Variants in TMEM232 observed in about 807,000 individuals in gnomAD.
TMEM232 encodes transmembrane protein 232.
TMEM232 carries 80 observed loss-of-function variants against 78.8 expected under a neutral mutation model. The observed-to-expected ratio is 1.01, with a 90% CI of 0.85 to 1.22. The LOEUF (loss-of-function observed/expected upper bound fraction) is 1.22. Ranked by LOEUF, TMEM232 falls within the 50% of genes most tolerant of loss-of-function variation. The pLI is 0.00. For synonymous variants in TMEM232, 297 were observed against 254.3 expected (o/e 1.17, Z -1.60); for missense variants, 881 against 742.2 (o/e 1.19, Z -2.17).
chr5:110,435,351 G>A (rs149059850), intron 12 of TMEM232, among the ~76,000 whole-genome samples: 1 of 151,252 alleles, frequency 6.6e-6, no homozygotes, highest in Non-Finnish European at 1.5e-5. Context: ...TATTTTTTGT[G>A]GGTATATACT....
chr5:110,522,347 A>T (rs1769656035), intron 12 of TMEM232, among the ~76,000 whole-genome samples: 2 of 152,156 alleles, frequency 1.3e-5, no homozygotes, highest in South Asian at 4.1e-4. Context: ...CATATATATA[A>T]GGTCATATCA....
intron 2 of TMEM232, among the ~76,000 whole-genome samples, chr5:110,656,596 T>C (rs987440957): frequency 7.2e-5 from 11 of 152,040 alleles, no homozygotes; most frequent in Non-Finnish European, 8.8e-5. Context: ...TCCCAGCACT[T>C]TGGGAGGCTG....
intron 5 of TMEM232, among the ~76,000 whole-genome samples, chr5:110,630,140 T>C (rs551634773): frequency 4.5e-4 from 68 of 152,326 alleles, no homozygotes; most frequent in Middle Eastern, 3.4e-3. Context: ...GTTTCTTGCC[T>C]GGATTCAAAG....
chr5:110,673,435 C>G (rs1429378040), intron 1 of TMEM232, among the ~76,000 whole-genome samples: 1 of 151,710 alleles, frequency 6.6e-6, no homozygotes, highest in Admixed American at 6.6e-5. Flanking sequence ...CACATGTACC[C>G]TAAAACTTAA....
At chr5:110,448,416 A>C (rs948022115) in intron 12 of TMEM232, among the ~76,000 whole-genome samples, 5 of 152,068 alleles carry the variant, frequency 3.3e-5, no homozygotes, top group Admixed American at 2.0e-4. Flanking sequence ...TAAGAGCAAC[A>C]ATCTGTTATG....
At chr5:110,692,605 T>C (rs370272771) in intron 1 of TMEM232, among the ~76,000 whole-genome samples, 1 of 152,220 alleles carries the variant, frequency 6.6e-6, no homozygotes, top group African/African-American at 2.4e-5. Flanking sequence ...CCCACCCTAA[T>C]ACTGCGCTTT....
At chr5:110,707,332 T>C (rs1474807461) in intron 1 of TMEM232, among the ~76,000 whole-genome samples, 1 of 152,132 alleles carries the variant, frequency 6.6e-6, no homozygotes, top group Non-Finnish European at 1.5e-5. Flanking sequence ...AGAAAAAGAA[T>C]GTGTGTAATT....
At chr5:110,727,665 C>T (rs1052680235), upstream of TMEM232, among the ~76,000 whole-genome samples, 1 of 152,022 alleles carries the variant, frequency 6.6e-6, no homozygotes, top group African/African-American at 2.4e-5. Context: ...AAATGACCTG[C>T]CTTTAAAAAT....
chr5:110,657,381 C>G (rs990343914), intron 2 of TMEM232, among the ~76,000 whole-genome samples: 3 of 75,496 alleles, frequency 4.0e-5, no homozygotes, highest in South Asian at 4.3e-4. Flanking sequence ...GGATATCTAT[C>G]TGAGTGTGTG....
At chr5:110,578,807 T>C (rs1158227792) in intron 10 of TMEM232, among the ~76,000 whole-genome samples, 2 of 151,860 alleles carry the variant, frequency 1.3e-5, no homozygotes, top group African/African-American at 4.8e-5. Context: ...ATTCTCATTA[T>C]GAAAAATCCA....
intron 5 of TMEM232, among the ~76,000 whole-genome samples, chr5:110,629,573 G>C (rs959799543): frequency 2.6e-5 from 4 of 151,938 alleles, no homozygotes; most frequent in Non-Finnish European, 5.9e-5. Flanking sequence ...CTGCTTGTCA[G>C]TTTCTCTTTC....
At chr5:110,715,281 T>G (rs1302822183) in intron 1 of TMEM232, among the ~76,000 whole-genome samples, 1 of 151,772 alleles carries the variant, frequency 6.6e-6, no homozygotes, top group South Asian at 2.1e-4. Flanking sequence ...TTAAAGAAAT[T>G]ATGAAAAAAA....
At chr5:110,523,739 G>A (rs1000793038) in intron 12 of TMEM232, among the ~76,000 whole-genome samples, 1 of 151,900 alleles carries the variant, frequency 6.6e-6, no homozygotes, top group Non-Finnish European at 1.5e-5. Flanking sequence ...AACTGCTTGA[G>A]CCCAGGAGTT....
chr5:110,658,867 TA>T (rs1361389073), intron 2 of TMEM232, among the ~76,000 whole-genome samples: 4 of 152,194 alleles, frequency 2.6e-5, no homozygotes, highest in African/African-American at 9.6e-5. Context: ...AAAAGAAAAG[TA>T]AATTAGTCTG....
intron 1 of TMEM232, among the ~76,000 whole-genome samples, chr5:110,669,501 CA>C (rs1402884540): frequency 6.6e-6 from 1 of 151,684 alleles, no homozygotes; most frequent in Non-Finnish European, 1.5e-5. Context: ...GCTCACCAAC[CA>C]AAAAAAAGTC....
intron 2 of TMEM232, among the ~76,000 whole-genome samples, chr5:110,659,670 T>C (rs1359310879): frequency 3.9e-5 from 6 of 152,144 alleles, no homozygotes; most frequent in African/African-American, 1.2e-4. Flanking sequence ...TATAAAATTA[T>C]CATGCTCATC....
chr5:110,643,022 A>G (rs115103655), intron 2 of TMEM232, among the ~76,000 whole-genome samples: 259 of 152,184 alleles, frequency 1.7e-3, no homozygotes, highest in African/African-American at 5.8e-3. Flanking sequence ...GGGACGTAAT[A>G]GTGGCTTGGA....
chr5:110,459,862 T>C (rs1761307825), intron 12 of TMEM232, among the ~76,000 whole-genome samples: 1 of 152,202 alleles, frequency 6.6e-6, no homozygotes, highest in Admixed American at 6.5e-5. Flanking sequence ...TTCTGTGCTA[T>C]TCTTGCTGAC....
At chr5:110,510,238 C>T (rs1397698001) in intron 12 of TMEM232, among the ~76,000 whole-genome samples, 1 of 152,188 alleles carries the variant, frequency 6.6e-6, no homozygotes, top group East Asian at 1.9e-4. Context: ...ACTGAAAGAA[C>T]TCAAAAGCAG....
Sources: gnomAD v4.1 joint callset for allele counts (sites outside exome capture counted in the v4.1 genomes callset) on GRCh38, gnomAD v4.1.1 for gene constraint, MANE v1.5 for transcripts, NCBI Gene and HGNC (gene_info 2026-07-23, HGNC 2026-07-21) for gene names.